EPN2: variants seen among roughly 807,000 people sequenced by gnomAD.
The protein encoded by EPN2 is epsin 2, also known as epsin-2.
A neutral mutation model predicts 61.7 loss-of-function variants in EPN2; 34 were observed. That is an observed-to-expected ratio of 0.55 (90% CI 0.42 to 0.73). EPN2 has a LOEUF of 0.73. EPN2 is among the 30% of genes least tolerant of loss of function. EPN2 has a pLI of 0.00. For synonymous variants in EPN2, 349 were observed against 353.6 expected, an observed-to-expected ratio of 0.99 and a Z score of 0.15; for missense variants, 714 against 839.2, an observed-to-expected ratio of 0.85 and a Z score of 1.84.
chr17:19,313,040 A>G, intron 6 of EPN2, 65 bp from the exon 7 acceptor site: 1 of 1,519,604 alleles, frequency 6.6e-7, no homozygotes, highest in Non-Finnish European at 9.0e-7. Context: ...ATTTATGGCT[A>G]GTTCATGAGT....
Position 19,328,746 on chromosome 17 carries a change from G to C in EPN2, c.1183G>C (p.Val395Leu), listed in dbSNP as rs756927861. ...AGCTGCCTCCATTGACCCATGGGGGGTGCCCACTGGAGCCACCGTACAATC... is the reference window on the plus strand; with the variant it reads ...AGCTGCCTCCATTGACCCATGGGGGCTGCCCACTGGAGCCACCGTACAATC... ...KPAASIDPWG[V>L]PTGATVQSVP... The change falls in exon 8 of 11, where the codon GTG (valine) becomes CTG (leucine). Residue 395 changes from valine to leucine, a missense_variant. Physicochemically the swap from Val to Leu is conservative, Grantham distance 32. This residue lies in a region of EPN2 where 410 missense variants were observed against 421.8 expected (regional missense o/e 0.97). Coordinates refer to ENST00000314728, the MANE Select transcript of EPN2 (RefSeq NM_014964.5). 2 of 1,612,902 alleles carry C rather than the reference G, an allele frequency of 1.2e-6. No homozygotes were observed. The highest frequency in any genetic ancestry group is 1.3e-5 in the African/African-American group (1 of 75,010).
At chr17:19,311,717 A>C (rs974079417) in intron 5 of EPN2, among the ~76,000 whole-genome samples, 7 of 152,200 alleles carry the variant, frequency 4.6e-5, no homozygotes, top group African/African-American at 1.2e-4. Flanking sequence ...AAGGACACAC[A>C]TTGCTTCTAT....
intron 1 of EPN2, among the ~76,000 whole-genome samples, chr17:19,277,914 T>G (rs1184435843): frequency 6.6e-6 from 1 of 151,406 alleles, no homozygotes. Context: ...CCACTAAAAA[T>G]ACAAAAAAAT....
chr17:19,244,329 TGG>T (rs1461230455), intron 1 of EPN2, among the ~76,000 whole-genome samples: 1 of 151,942 alleles, frequency 6.6e-6, no homozygotes, highest in Non-Finnish European at 1.5e-5. Flanking sequence ...TGTGGTGGCG[TGG>T]GCCTGTAGTC....
chr17:19,237,715 A>C (rs548077315), intron 1 of EPN2, among the ~76,000 whole-genome samples, 184 bp downstream of exon 1: 18 of 151,798 alleles, frequency 1.2e-4, no homozygotes, highest in African/African-American at 4.4e-4. Context: ...CTTCTTTCCA[A>C]CCAGGCCCCG....
chr17:19,281,318 A>T (rs1204159631), intron 1 of EPN2, among the ~76,000 whole-genome samples: 1 of 152,226 alleles, frequency 6.6e-6, no homozygotes, highest in East Asian at 1.9e-4. Context: ...AATCATTCAC[A>T]TGCAAAAAGA....
At chr17:19,240,271 C>T (rs1464357082) in intron 1 of EPN2, among the ~76,000 whole-genome samples, 3 of 150,952 alleles carry the variant, frequency 2.0e-5, no homozygotes, top group South Asian at 2.1e-4. Flanking sequence ...TTTGAGATGG[C>T]GTCTCACGCT....
chr17:19,311,046 C>T (rs916667002), intron 5 of EPN2, among the ~76,000 whole-genome samples: 76 of 152,288 alleles, frequency 5.0e-4, no homozygotes, highest in African/African-American at 1.8e-3. Context: ...AGGGATTCCT[C>T]TCCTCTATTA....
chr17:19,321,664 G>A (rs940937902), intron 7 of EPN2, among the ~76,000 whole-genome samples: 1 of 152,082 alleles, frequency 6.6e-6, no homozygotes, highest in East Asian at 1.9e-4. Context: ...TATTGTGCAG[G>A]GGAGATGATG....
At chr17:19,256,645 C>T (rs1459310822) in intron 1 of EPN2, among the ~76,000 whole-genome samples, 2 of 151,968 alleles carry the variant, frequency 1.3e-5, no homozygotes, top group African/African-American at 4.8e-5. Flanking sequence ...GCTGGTGGCA[C>T]CCCGTGGGAA....
intron 4 of EPN2, among the ~76,000 whole-genome samples, chr17:19,289,767 G>A (rs1235135416): frequency 1.6e-5 from 2 of 122,002 alleles, no homozygotes; most frequent in Admixed American, 9.6e-5. Flanking sequence ...CACTCTGTTG[G>A]CCAGGCTAGA....
At chr17:19,252,081 C>T (rs1597971176) in intron 1 of EPN2, among the ~76,000 whole-genome samples, 1 of 152,100 alleles carries the variant, frequency 6.6e-6, no homozygotes, top group Non-Finnish European at 1.5e-5. Context: ...TGCTGCTGCT[C>T]AAGAAGTTTC....
intron 1 of EPN2, chr17:19,279,751 T>C (rs1910066474): frequency 6.6e-6 from 1 of 151,738 alleles, no homozygotes; most frequent in South Asian, 2.1e-4. Context: ...TGTTCCTTTT[T>C]TTTTTCTTAG....
chr17:19,276,773 GTTT>G (rs80078595), intron 1 of EPN2, among the ~76,000 whole-genome samples: 10 of 119,308 alleles, frequency 8.4e-5, no homozygotes, highest in East Asian at 4.9e-4. Flanking sequence ...ATGAGAATAA[GTTT>G]TTTTTTTTTT....
At chr17:19,272,543 C>T (rs1039112347) in intron 1 of EPN2, among the ~76,000 whole-genome samples, 4 of 152,048 alleles carry the variant, frequency 2.6e-5, no homozygotes, top group African/African-American at 7.2e-5. Context: ...TGGTTTAATT[C>T]CATCATTTTA....
In EPN2 at chr17:19,335,246, G is replaced by T. The variant is rs1382273879; in HGVS notation, c.*992G>T. On this transcript the variant is annotated 3_prime_UTR_variant, in exon 11 of 11. Coordinates refer to ENST00000314728, the MANE Select transcript of EPN2 (RefSeq NM_014964.5). The stretch of plus-strand genomic sequence containing the variant: ...TTCCTTTCTTTAGCTCCTGTTTTTG[G>T]TGAATTACTAAACTGATTGACTTTC... 8.7e-6 allele frequency: 5 copies of T among 575,164 alleles called. No homozygotes were observed. The highest frequency in any genetic ancestry group is 5.7e-5 in the African/African-American group (3 of 52,258). 35.6% of individuals were successfully genotyped at this position (575,164 alleles called of 1,614,324 possible).
chr17:19,311,883 G>C (rs541642059), intron 5 of EPN2, among the ~76,000 whole-genome samples, 169 bp from the exon 6 acceptor site: 71 of 152,366 alleles, frequency 4.7e-4, no homozygotes, highest in Non-Finnish European at 5.9e-4. Flanking sequence ...GGGGCCTTCT[G>C]GGTACACACA....
chr17:19,332,062 G>T lies in EPN2; in HGVS notation c.1621G>T (p.Ala541Ser). Residue 541 changes from alanine (A) to serine (S), a missense_variant, in exon 10 of 11, where the codon GCA (alanine) becomes TCA (serine). Physicochemically the swap from Ala to Ser is moderately conservative, Grantham distance 99. Around this residue, in one of 2 missense-constraint regions of EPN2, gnomAD observed 410 missense variants for 421.8 expected, o/e 0.97. Transcript: ENST00000314728. ...PPAQSLNPFL[A>S]PGAPATSAPV... ...AGCCCAGTCCCTCAACCCTTTCCTGGCACCAGGTAGGCTCTCATCCCAGGC... is the reference window on the plus strand; with the variant it reads ...AGCCCAGTCCCTCAACCCTTTCCTGTCACCAGGTAGGCTCTCATCCCAGGC... 1 of 1,607,190 alleles carries T rather than the reference G, an allele frequency of 6.2e-7. No homozygotes were observed.
rs761662309 is a variant in EPN2, at chr17:19,295,341, TACACACACACAC to T, written c.766+9566_766+9577del. Among the ~76,000 whole-genome samples, 126 of 145,144 alleles carry T rather than the reference TACACACACACAC, an allele frequency of 8.7e-4. 1 individual carries two copies. Among genetic ancestry groups the T allele is most frequent in the African/African-American group, 3.0e-3 (118 of 39,168 alleles). On this transcript the variant is annotated intron_variant, in intron 4 of 10. Transcript: ENST00000314728. ...AGTGAAACCCCATCTCTATTAAAAA[TACACACACACAC>T]ACACACACACACACGCGCGTGCGCG...
Sources: allele counts gnomAD v4.1 joint callset (sites outside exome capture counted in the v4.1 genomes callset), GRCh38; gene constraint gnomAD v4.1.1; regional missense constraint gnomAD v4.1.1; transcripts MANE v1.5; gene names NCBI Gene and HGNC (gene_info 2026-07-23, HGNC 2026-07-21).